TLCD3A: variants seen among roughly 807,000 people sequenced by gnomAD.
TLCD3A encodes the protein TLC domain containing 3A, also known as TLC domain-containing protein 3A.
Under a neutral mutation model 29.9 loss-of-function variants are expected in TLCD3A, and 17 were observed. That is an observed-to-expected ratio of 0.57 (90% CI 0.39 to 0.85). TLCD3A has a LOEUF of 0.85. Ranked by LOEUF, TLCD3A falls within the 40% of genes least tolerant of loss-of-function variation. The pLI is 0.00. For synonymous variants in TLCD3A, 143 were observed against 147.7 expected, an observed-to-expected ratio of 0.97 and a Z score of 0.23; for missense variants, 332 against 350.8, an observed-to-expected ratio of 0.95 and a Z score of 0.43.
In TLCD3A at chr17:737,794, C is replaced by G. The variant is rs1315929188; in HGVS notation, c.207-52C>G. 1.8e-5 allele frequency: 27 copies of G among 1,542,246 alleles called. No individual in the cohort carries two copies. In the Admixed American group the frequency reaches 4.5e-4, roughly 26 times the overall value. ...AGCACCAAGCTTGGCTGTGAGCCTT[C>G]ATAATGGATATCCACAATGATTTCA... is the stretch of plus-strand genomic sequence containing the variant. On this transcript the variant is annotated intron_variant, in intron 2 of 4. Coordinates refer to ENST00000308278, the MANE Select transcript of TLCD3A (RefSeq NM_024792.3).
intron 2 of TLCD3A, among the ~76,000 whole-genome samples, chr17:734,594 G>A (rs112138927): frequency 0.21 from 32,451 of 151,980 alleles, 4,101 homozygotes; most frequent in Non-Finnish European, 0.29. Context: ...GATTATAGGC[G>A]TGAGCCACTG....
chr17:732,866 A>G, intron 1 of TLCD3A, 97 bp downstream of exon 1: 1 of 1,364,580 alleles, frequency 7.3e-7, no homozygotes. Context: ...GGGCGGCAGG[A>G]AGCCCGGGGG....
intron 3 of TLCD3A, among the ~76,000 whole-genome samples, chr17:740,177 G>A (rs1974225590): frequency 6.6e-6 from 1 of 152,174 alleles, no homozygotes; most frequent in Non-Finnish European, 1.5e-5. Flanking sequence ...ACAGGGCCTG[G>A]CACATTTTGT....
chr17:733,756 T>C (rs368570689), intron 2 of TLCD3A, among the ~76,000 whole-genome samples: 7 of 152,218 alleles, frequency 4.6e-5, no homozygotes, highest in South Asian at 4.1e-4. Flanking sequence ...AAGACCAGAA[T>C]AGTCGACTTT....
At chr17:734,419 G>A (rs766453897) in intron 2 of TLCD3A, among the ~76,000 whole-genome samples, 47 of 151,580 alleles carry the variant, frequency 3.1e-4, no homozygotes, top group Non-Finnish European at 6.0e-4. Context: ...CAAGCCACCC[G>A]TCTTCCTTAG....
intron 3 of TLCD3A, among the ~76,000 whole-genome samples, chr17:739,942 A>G (rs1974222374): frequency 6.6e-6 from 1 of 152,190 alleles, no homozygotes; most frequent in Admixed American, 6.5e-5. Context: ...GGTACTCAGG[A>G]GCCTGAGGCA....
intron 2 of TLCD3A, among the ~76,000 whole-genome samples, chr17:736,756 A>G (rs1974160834): frequency 6.6e-6 from 1 of 151,644 alleles, no homozygotes. Flanking sequence ...CCCAGATTCA[A>G]TCGATTCTCC....
Position 737,866 on chromosome 17 carries a change from A to G in TLCD3A, c.227A>G (p.Tyr76Cys). The change falls in exon 3 of 5, where the codon TAT (tyrosine) becomes TGT (cysteine). Residue 76 changes from tyrosine to cysteine, a missense_variant. Tyr to Cys is a radical substitution (Grantham distance 194, BLOSUM62 -2). Coordinates refer to ENST00000308278, the MANE Select transcript of TLCD3A (RefSeq NM_024792.3). ...ITGRHWLARE[Y>C]VWFLIPYMIY... The stretch of plus-strand genomic sequence containing the variant: ...TTCAGGCACTGGCTTGCCCGGGAAT[A>G]TGTGTGGTTTCTGATTCCATACATG... 1 of 1,614,096 alleles carries G rather than the reference A, an allele frequency of 6.2e-7. No individual in the cohort carries two copies. The highest frequency in any genetic ancestry group is 8.5e-7 in the Non-Finnish European group (1 of 1,180,012).
At chr17:741,172 A>T (rs1018599468) in intron 4 of TLCD3A, 129 bp from the exon 5 acceptor site, 5 of 869,192 alleles carry the variant, frequency 5.8e-6, no homozygotes, top group Non-Finnish European at 9.0e-6. Context: ...GCGCCAGGGA[A>T]TCTGACAGCC....
At chr17:738,617 G>A (rs183066563) in intron 3 of TLCD3A, among the ~76,000 whole-genome samples, 152 of 152,166 alleles carry the variant, frequency 1.0e-3, no homozygotes, top group African/African-American at 3.4e-3. Flanking sequence ...CTGTCACCCC[G>A]GGTGGAGTGC....
chr17:741,033 C>T (rs1292702628), intron 4 of TLCD3A, among the ~76,000 whole-genome samples: 1 of 152,212 alleles, frequency 6.6e-6, no homozygotes, highest in East Asian at 1.9e-4. Context: ...TTCCTGTACT[C>T]CTGTCAGCTG....
intron 3 of TLCD3A, among the ~76,000 whole-genome samples, chr17:738,730 G>A (rs967324121): frequency 3.3e-5 from 5 of 151,828 alleles, no homozygotes; most frequent in Admixed American, 6.6e-5. Flanking sequence ...ACACTACAAC[G>A]TCCAGCTAAT....
At chr17:738,093 TGTC>T (rs758996031) in intron 3 of TLCD3A, 46 bp downstream of exon 3, 2 of 1,201,744 alleles carry the variant, frequency 1.7e-6, no homozygotes, top group Admixed American at 2.8e-5. Context: ...TTGAGCTGGG[TGTC>T]TTTTTTTTTT....
chr17:737,070 G>C (rs1974166542), intron 2 of TLCD3A, among the ~76,000 whole-genome samples: 1 of 151,328 alleles, frequency 6.6e-6, no homozygotes, highest in Non-Finnish European at 1.5e-5. Flanking sequence ...GGAGTGCAGT[G>C]GCGCAATATC....
In TLCD3A at chr17:741,798, A is replaced by G. The variant is rs1974259717; in HGVS notation, c.*228A>G. 1.0e-5 allele frequency: 6 copies of G among 577,010 alleles called. No individual in the cohort carries two copies. The highest frequency in any genetic ancestry group is 1.5e-5 in the Non-Finnish European group (5 of 326,394). The allele number at this position is 577,010 out of a possible 1,614,324, so 35.7% of individuals were successfully genotyped here. Reference sequence around the variant, plus strand: ...TCCTGTCAGACCTCCACGGACAGCAAAGTGGTTTTAATGCAAGCCCAAGGA... The same window carrying G: ...TCCTGTCAGACCTCCACGGACAGCAGAGTGGTTTTAATGCAAGCCCAAGGA... On this transcript the variant is annotated 3_prime_UTR_variant, in exon 5 of 5. Coordinates refer to ENST00000308278, the MANE Select transcript of TLCD3A (RefSeq NM_024792.3).
chr17:735,401 T>G (rs1205567826), intron 2 of TLCD3A, among the ~76,000 whole-genome samples: 2 of 152,222 alleles, frequency 1.3e-5, no homozygotes, highest in African/African-American at 4.8e-5. Context: ...CAAAGAAAGT[T>G]AAATCACAGG....
intron 3 of TLCD3A, among the ~76,000 whole-genome samples, chr17:739,489 G>A (rs57173051): frequency 2.0e-5 from 3 of 151,932 alleles, no homozygotes; most frequent in African/African-American, 7.2e-5. Context: ...GCTCTTGGCC[G>A]GCATGTAGTT....
In TLCD3A at chr17:740,522, T is replaced by C. The variant is rs1974233116; in HGVS notation, c.426T>C (p.Leu142=). Residue 142 remains leucine (L), a synonymous_variant, in exon 4 of 5, where the codon CTT becomes CTC. Transcript: ENST00000308278. ...VPVAQRLRGD[L]GDFFVGCIFT... is the part of the protein sequence containing the mutation. ...ATCCGCAGAGGCTCCGGGGAGACCT[T>C]GGGGACTTCTTTGTCGGCTGCATCT... 6.2e-7 allele frequency: 1 copy of C among 1,614,014 alleles called. No homozygotes were observed. Among genetic ancestry groups the C allele is most frequent in the African/African-American group, 1.3e-5 (1 of 74,934 alleles).
At chr17:738,826 C>CAA (rs985157282) in intron 3 of TLCD3A, among the ~76,000 whole-genome samples, 77 of 152,236 alleles carry the variant, frequency 5.1e-4, no homozygotes, top group African/African-American at 1.7e-3. Context: ...CTAGGCCTCC[C>CAA]AAAGTGCTGG....
Sources: allele counts gnomAD v4.1 joint callset (sites outside exome capture counted in the v4.1 genomes callset), GRCh38; gene constraint gnomAD v4.1.1; transcripts MANE v1.5; gene names NCBI Gene and HGNC (gene_info 2026-07-23, HGNC 2026-07-21).